Variants in ZSCAN25 observed in about 807,000 individuals in gnomAD.
ZSCAN25 encodes zinc finger and SCAN domain-containing protein 25.
A neutral mutation model predicts 38.7 loss-of-function variants in ZSCAN25; 27 were observed. The ratio of observed to expected loss-of-function variants is 0.70; its 90% CI spans 0.51 to 0.96. The LOEUF is 0.96. Ranked by LOEUF, ZSCAN25 falls within the 40% of genes least tolerant of loss-of-function variation. The pLI is 0.00. For synonymous variants in ZSCAN25, 273 were observed against 277.7 expected (o/e 0.98, Z 0.17); for missense variants, 637 against 705.9 (o/e 0.90, Z 1.11).
chr7:99,619,384 T>G (rs1258965204), intron 3 of ZSCAN25, among the ~76,000 whole-genome samples, 177 bp from the exon 4 acceptor site: 1 of 152,248 alleles, frequency 6.6e-6, no homozygotes, highest in East Asian at 1.9e-4. Context: ...TCTCTGTACC[T>G]AATAGTTGCT....
chr7:99,699,228 G>A, the ZSCAN25 span, among the ~76,000 whole-genome samples: 1 of 152,198 alleles, frequency 6.6e-6, no homozygotes. Context: ...AGAGACGGGA[G>A]GAAAAAGATT....
At chr7:99,728,265 C>G in the ZSCAN25 span, among the ~76,000 whole-genome samples, 1 of 152,200 alleles carries the variant, frequency 6.6e-6, no homozygotes, top group Admixed American at 6.5e-5. Flanking sequence ...CCTCCTAGAA[C>G]TTCTCATTTC....
chr7:99,680,606 C>G, the ZSCAN25 span, among the ~76,000 whole-genome samples: 1 of 152,134 alleles, frequency 6.6e-6, no homozygotes, highest in Non-Finnish European at 1.5e-5. Flanking sequence ...GTACTGTACA[C>G]ATGGTGGGTA....
the ZSCAN25 span, among the ~76,000 whole-genome samples, chr7:99,698,088 G>A: frequency 7.0e-6 from 1 of 141,936 alleles, no homozygotes; most frequent in African/African-American, 2.5e-5. Context: ...CTCTGGTAGA[G>A]TAATACCACT....
rs10256395 is a variant in ZSCAN25 at position 99,624,333 on chromosome 7, T to C, written c.805+153T>C. ...GCACGGACCATGGGGCACGAGGAGC[T>C]GCTTTCCTGTGTCAATAGAGGAGCC... On this transcript the variant is annotated intron_variant, in intron 7 of 7. Coordinates refer to ENST00000394152, the MANE Select transcript of ZSCAN25 (RefSeq NM_145115.3). 9.2e-3 allele frequency: 7,603 copies of C among 828,126 alleles called. 361 individuals are homozygous for C. In the African/African-American group the frequency reaches 0.11, roughly 12 times the overall value. The allele number at this position is 828,126 out of a possible 1,614,324, so 51.3% of individuals were successfully genotyped here.
At chr7:99,679,955 T>G in the ZSCAN25 span, 9 of 1,483,212 alleles carry the variant, frequency 6.1e-6, no homozygotes, top group African/African-American at 1.2e-4. Flanking sequence ...AGTGCTGCTG[T>G]TTGCTGGGCT....
At position 99,631,264 on chromosome 7, in the gene ZSCAN25, G is replaced by A. The variant is rs2151303562; in HGVS notation, c.*1244G>A. ...ACCCTTGTCATCCAAGGCACTAGGG[G>A]TCCTGGACACCCACTGGGGATGATG... On this transcript the variant is annotated 3_prime_UTR_variant, in exon 8 of 8. Transcript: ENST00000394152. 1.9e-5 allele frequency: 19 copies of A among 985,374 alleles called. No homozygotes were observed. Among genetic ancestry groups the A allele is most frequent in the Non-Finnish European group, 2.3e-5 (19 of 829,934 alleles). The allele number at this position is 985,374 out of a possible 1,614,324, so 61.0% of individuals were successfully genotyped here.
the ZSCAN25 span, chr7:99,705,618 T>C: frequency 6.2e-7 from 1 of 1,611,352 alleles, no homozygotes; most frequent in South Asian, 1.1e-5. Context: ...AACGAGCATA[T>C]TGAGAAGCAT....
chr7:99,660,500 T>G, the ZSCAN25 span: 2 of 1,610,092 alleles, frequency 1.2e-6, no homozygotes, highest in African/African-American at 1.3e-5. Context: ...TCCCCTCACC[T>G]TATTGGGCAA....
chr7:99,717,288 C>A, the ZSCAN25 span: 1 of 1,613,688 alleles, frequency 6.2e-7, no homozygotes, highest in Non-Finnish European at 8.5e-7. Flanking sequence ...CACAACACCA[C>A]CCATAGTTAA....
chr7:99,663,274 T>A, the ZSCAN25 span: 23 of 1,004,460 alleles, frequency 2.3e-5, no homozygotes, highest in African/African-American at 3.5e-5. Flanking sequence ...TAGATTAATC[T>A]CCTGACATTT....
At chr7:99,632,989 G>GTTGTTTTTTTTTTTTTTTTTTTTTTT (rs1554412109), downstream of ZSCAN25, among the ~76,000 whole-genome samples, 21 of 128,554 alleles carry the variant, frequency 1.6e-4, 1 homozygote, top group South Asian at 1.2e-3. Flanking sequence ...ATTTTCTGTT[G>GTTGTTTTTTTTTTTTTTTTTTTTTTT]TTTTTTTTTT....
At chr7:99,724,797 G>C in the ZSCAN25 span, among the ~76,000 whole-genome samples, 1 of 152,158 alleles carries the variant, frequency 6.6e-6, no homozygotes, top group South Asian at 2.1e-4. Context: ...TCCCAGATCA[G>C]TCAGCGTTTA....
the ZSCAN25 span, among the ~76,000 whole-genome samples, chr7:99,649,839 A>G: frequency 2.6e-5 from 4 of 152,138 alleles, no homozygotes; most frequent in Non-Finnish European, 5.9e-5. Context: ...CTCAGGTTCA[A>G]AGAGACTACA....
chr7:99,678,830 C>G, the ZSCAN25 span, among the ~76,000 whole-genome samples: 1 of 152,206 alleles, frequency 6.6e-6, no homozygotes, highest in Non-Finnish European at 1.5e-5. Flanking sequence ...GTTCCCTGCT[C>G]TTAATAAAAG....
chr7:99,640,830 G>A, the ZSCAN25 span, among the ~76,000 whole-genome samples: 2 of 152,212 alleles, frequency 1.3e-5, no homozygotes, highest in Non-Finnish European at 2.9e-5. Context: ...TAATGGGAGA[G>A]GGAGGATGGA....
At chr7:99,652,778 G>A in the ZSCAN25 span, 1 of 1,611,698 alleles carries the variant, frequency 6.2e-7, no homozygotes, top group Non-Finnish European at 8.5e-7. Context: ...GGTAGGTGGT[G>A]CCTGGAAGGA....
At chr7:99,661,099 C>G in the ZSCAN25 span, among the ~76,000 whole-genome samples, 1 of 152,162 alleles carries the variant, frequency 6.6e-6, no homozygotes, top group Non-Finnish European at 1.5e-5. Flanking sequence ...TATAGCTTGA[C>G]AAACTTTGAG....
the ZSCAN25 span, chr7:99,666,967 G>A: frequency 8.7e-6 from 14 of 1,613,570 alleles, no homozygotes; most frequent in African/African-American, 4.0e-5. Context: ...TGAGTTTTCC[G>A]CTGGTGAAGG....
Sources: gnomAD v4.1 joint callset for allele counts (sites outside exome capture counted in the v4.1 genomes callset) on GRCh38, gnomAD v4.1.1 for gene constraint, MANE v1.5 for transcripts, NCBI Gene and HGNC (gene_info 2026-07-23, HGNC 2026-07-21) for gene names.